The following ABCG4 variants were observed in gnomAD, a reference collection of about 807,000 sequenced individuals.
ABCG4 encodes ATP binding cassette subfamily G member 4, also known as ATP-binding cassette sub-family G member 4.
In ABCG4, 35 loss-of-function variants were observed where a neutral mutation model predicts 64.6. The observed-to-expected ratio is 0.54, with a 90% CI of 0.41 to 0.72. The LOEUF is 0.72. Ranked by LOEUF, ABCG4 falls within the 30% of genes least tolerant of loss-of-function variation. The pLI is 0.00. For missense variants in ABCG4, 610 were observed against 846.3 expected (o/e 0.72, Z 3.46); for synonymous variants, 326 against 348.2 (o/e 0.94, Z 0.71).
In ABCG4 at chr11:119,161,116, C is replaced by T; in HGVS notation, c.*10C>T. 6.2e-7 allele frequency: 1 copy of T among 1,607,972 alleles called. No individual in the cohort carries two copies. Among genetic ancestry groups the T allele is most frequent in the African/African-American group, 1.3e-5 (1 of 74,878 alleles). The stretch of plus-strand genomic sequence containing the variant: ...CAAGTCAGAGAGATAGAGGCTTGCC[C>T]CAGCCTGTACCCCAGCCCCTGCAGC... On this transcript the variant is annotated 3_prime_UTR_variant, in exon 15 of 15. Coordinates refer to ENST00000619701, the MANE Select transcript of ABCG4 (RefSeq NM_022169.5).
Position 119,149,719 on chromosome 11 carries a change from A to C in ABCG4, c.-12-235A>C. ...GAGATTAGAGAAGCCGCCGGGAGGA[A>C]GGAGCGATTGAGGGCTTCAAGGGGA... On this transcript the variant is annotated intron_variant, in intron 1 of 14. Transcript: ENST00000619701. The surrounding 1 kb of genome is among the most constrained non-coding windows in gnomAD (Gnocchi z 8.3). 4 of 587,036 alleles carry C rather than the reference A, an allele frequency of 6.8e-6. No homozygotes were observed. The highest frequency in any genetic ancestry group is 2.9e-5 in the East Asian group (1 of 34,218). 36.4% of individuals were successfully genotyped at this position (587,036 alleles called of 1,614,324 possible).
chr11:119,158,532 T>A lies in ABCG4; in HGVS notation c.1168-25T>A. 1 of 1,613,860 alleles carries A rather than the reference T, an allele frequency of 6.2e-7. No homozygotes were observed. The highest frequency in any genetic ancestry group is 8.5e-7 in the Non-Finnish European group (1 of 1,179,842). The stretch of plus-strand genomic sequence containing the variant: ...CTTGCCCTGGCCTGTAACACATCCC[T>A]CTCCTGGTGATGACCCCTCCCAAGG... On this transcript the variant is annotated intron_variant, in intron 10 of 14. Transcript: ENST00000619701. The surrounding 1 kb of genome is among the most constrained non-coding windows in gnomAD (Gnocchi z 4.5).
Position 119,160,735 on chromosome 11 carries a change from A to C in ABCG4, c.1715+79A>C. On this transcript the variant is annotated intron_variant, in intron 14 of 14. Transcript: ENST00000619701. This position sits in a 1 kb window ranked among gnomAD's most constrained non-coding sequence, Gnocchi z 4.6. ...ACCCAGGGCTTCCTGGGTTGTGCCAAGTCTGCTGCCTGCCCCATTATCCTT... is the reference window on the plus strand; with the variant it reads ...ACCCAGGGCTTCCTGGGTTGTGCCACGTCTGCTGCCTGCCCCATTATCCTT... The C allele has an allele frequency of 6.6e-7, 1 of 1,513,844 alleles. No homozygotes were observed. Among genetic ancestry groups the C allele is most frequent in the Non-Finnish European group, 9.2e-7 (1 of 1,092,496 alleles). The allele number at this position is 1,513,844 out of a possible 1,614,324, so 93.8% of individuals were successfully genotyped here.
In ABCG4 at chr11:119,158,428, C is replaced by T. The variant is rs1565816199; in HGVS notation, c.1167+96C>T. The T allele has an allele frequency of 1.9e-6, 3 of 1,555,998 alleles. No homozygotes were observed. The highest frequency in any genetic ancestry group is 3.3e-5 in the Admixed American group (2 of 59,938). Reference sequence around the variant, plus strand: ...TGAAATGGGAATGGGGACCCTCCCTCACAGCCCTGCAATGTGCCTGTGGGG... The same window carrying T: ...TGAAATGGGAATGGGGACCCTCCCTTACAGCCCTGCAATGTGCCTGTGGGG... On this transcript the variant is annotated intron_variant, in intron 10 of 14. Transcript: ENST00000619701. The surrounding 1 kb of genome is among the most constrained non-coding windows in gnomAD (Gnocchi z 4.5).
In ABCG4 at chr11:119,162,258, A is replaced by G. The variant is rs908961851; in HGVS notation, c.*1152A>G. On this transcript the variant is annotated 3_prime_UTR_variant, in exon 15 of 15. Transcript: ENST00000619701. ...AACCAACACAAGCACAACCACGGGCATAAGTTGGCCTTGGCCACTGCCACC... is the reference window on the plus strand; with the variant it reads ...AACCAACACAAGCACAACCACGGGCGTAAGTTGGCCTTGGCCACTGCCACC... 2 of 152,782 alleles carry G rather than the reference A, an allele frequency of 1.3e-5. No individual in the cohort carries two copies. Among genetic ancestry groups the G allele is most frequent in the African/African-American group, 4.8e-5 (2 of 41,452 alleles). 9.5% of individuals were successfully genotyped at this position (152,782 alleles called of 1,614,324 possible).
intron 9 of ABCG4, among the ~76,000 whole-genome samples, chr11:119,157,593 T>C (rs200405480): frequency 6.6e-6 from 1 of 152,244 alleles, no homozygotes; most frequent in East Asian, 1.9e-4. Flanking sequence ...GAATTATACC[T>C]GGCCGGATAC....
chr11:119,154,922 C>A lies in ABCG4; in HGVS notation c.686+7C>A. The A allele has an allele frequency of 6.2e-7, 1 of 1,600,822 alleles. No homozygotes were observed. Among genetic ancestry groups the A allele is most frequent in the South Asian group, 1.1e-5 (1 of 90,412 alleles). On this transcript the variant is annotated splice_region_variant and intron_variant, in intron 6 of 14. Coordinates refer to ENST00000619701, the MANE Select transcript of ABCG4 (RefSeq NM_022169.5). The surrounding 1 kb of genome is among the most constrained non-coding windows in gnomAD (Gnocchi z 7.0). ...TCTTTGATGAGCCCACCAGGTAGTT[C>A]TCTCCACCCTTTCCCACCAGGATAC...
intron 12 of ABCG4, among the ~76,000 whole-genome samples, chr11:119,159,521 A>G (rs961800490): frequency 6.6e-6 from 1 of 152,214 alleles, no homozygotes; most frequent in South Asian, 2.1e-4. Context: ...CATCTATAAA[A>G]TGGAATGACA....
rs375064674 is a variant in ABCG4 at position 119,158,944 on chromosome 11, C to T, written c.1437+15C>T. ...TGCCCTTTCAGGTGGGCCTCTTCCTCCCACCTGCCCACTGCCTCCATCTTG... is the reference window on the plus strand; with the variant it reads ...TGCCCTTTCAGGTGGGCCTCTTCCTTCCACCTGCCCACTGCCTCCATCTTG... On this transcript the variant is annotated intron_variant, in intron 12 of 14. Coordinates refer to ENST00000619701, the MANE Select transcript of ABCG4 (RefSeq NM_022169.5). The surrounding 1 kb of genome is among the most constrained non-coding windows in gnomAD (Gnocchi z 4.5). 3.9e-4 allele frequency: 621 copies of T among 1,609,196 alleles called. No homozygotes were observed. Among genetic ancestry groups the T allele is most frequent in the Admixed American group, 5.7e-4 (34 of 60,002 alleles).
intron 9 of ABCG4, among the ~76,000 whole-genome samples, chr11:119,157,835 C>T (rs943893007): frequency 1.1e-4 from 16 of 152,120 alleles, no homozygotes; most frequent in African/African-American, 3.9e-4. Flanking sequence ...CACTGCACTC[C>T]AGACTGGGCG....
chr11:119,157,087 C>T, intron 9 of ABCG4, 73 bp downstream of exon 9: 1 of 1,516,400 alleles, frequency 6.6e-7, no homozygotes, highest in Non-Finnish European at 8.8e-7. Flanking sequence ...GTGGCCCTGC[C>T]AAAGAGGCTG....
chr11:119,160,030 C>T lies in ABCG4; in HGVS notation c.1438-197C>T, dbSNP rs1056086638. 3.3e-5 allele frequency among the ~76,000 whole-genome samples: 5 copies of T among 151,812 alleles called. No homozygotes were observed. Among genetic ancestry groups the T allele is most frequent in the South Asian group, 2.1e-4 (1 of 4,794 alleles). On this transcript the variant is annotated intron_variant, in intron 12 of 14. Coordinates refer to ENST00000619701, the MANE Select transcript of ABCG4 (RefSeq NM_022169.5). This position sits in a 1 kb window ranked among gnomAD's most constrained non-coding sequence, Gnocchi z 4.6. ...GGTGGACCAAACGGAAGACGTGAGACGAGATAAGTGATGGTCATATGGCCA... is the reference window on the plus strand; with the variant it reads ...GGTGGACCAAACGGAAGACGTGAGATGAGATAAGTGATGGTCATATGGCCA...
In ABCG4 at chr11:119,150,001, A is replaced by G. The variant is rs771054703; in HGVS notation, c.36A>G (p.Gly12=). The change falls in exon 2 of 15, where the codon GGA becomes GGG. Residue 12 remains glycine, a synonymous_variant. Transcript: ENST00000619701. The surrounding 1 kb of genome is among the most constrained non-coding windows in gnomAD (Gnocchi z 4.3). ...AEKALEAVGC[G]LGPGAVAMAV... ...AGGCGCTGGAGGCCGTGGGCTGTGG[A>G]CTAGGGCCGGGGGCTGTGGCCATGG... 1 of 1,610,704 alleles carries G rather than the reference A, an allele frequency of 6.2e-7. No homozygotes were observed. The highest frequency in any genetic ancestry group is 8.5e-7 in the Non-Finnish European group (1 of 1,179,832).
At chr11:119,157,438 G>T (rs1303229204) in intron 9 of ABCG4, among the ~76,000 whole-genome samples, 1 of 152,218 alleles carries the variant, frequency 6.6e-6, no homozygotes, top group African/African-American at 2.4e-5. Flanking sequence ...ACTGTAGCTG[G>T]TACAGCAGGC....
In ABCG4 at chr11:119,156,563, G is replaced by A; in HGVS notation, c.811-1G>A. The A allele has an allele frequency of 6.2e-7, 1 of 1,614,142 alleles. No homozygotes were observed. The highest frequency in any genetic ancestry group is 8.5e-7 in the Non-Finnish European group (1 of 1,180,016). ...TCCTTACCCTTCTCTTTCTGCTGCA[G>A]CTCTACATCCTGAGCCAGGGTCAGT... is the stretch of plus-strand genomic sequence containing the variant. On this transcript the variant is annotated splice_acceptor_variant, in intron 7 of 14. Coordinates refer to ENST00000619701, the MANE Select transcript of ABCG4 (RefSeq NM_022169.5). LOFTEE classifies it high-confidence loss of function. The surrounding 1 kb of genome is among the most constrained non-coding windows in gnomAD (Gnocchi z 5.5).
chr11:119,149,647 G>T lies in ABCG4; in HGVS notation c.-13+284G>T. ...CTCTGCCGGCTGCCTCTTCTCCCCC[G>T]CCCCCTATTCCTTCAGTCCCCAGGG... On this transcript the variant is annotated intron_variant, in intron 1 of 14. Coordinates refer to ENST00000619701, the MANE Select transcript of ABCG4 (RefSeq NM_022169.5). This position sits in a 1 kb window ranked among gnomAD's most constrained non-coding sequence, Gnocchi z 8.3. The T allele has an allele frequency of 2.7e-6, 1 of 374,346 alleles. No individual in the cohort carries two copies. Among genetic ancestry groups the T allele is most frequent in the South Asian group, 4.3e-5 (1 of 23,470 alleles). The allele number at this position is 374,346 out of a possible 1,614,324, so 23.2% of individuals were successfully genotyped here.
Position 119,154,817 on chromosome 11 carries a change from G to C in ABCG4, c.588G>C (p.Thr196=), listed in dbSNP as rs147253441. ...TGGGCCTGATGTCGTGCTCCCACAC[G>C]AGGACAGCCCTGCTCTCTGGCGGGC... is the stretch of plus-strand genomic sequence containing the variant. ...TALGLMSCSH[T]RTALLSGGQR... The change falls in exon 6 of 15, where the codon ACG becomes ACC. Residue 196 remains threonine (T), a synonymous_variant. Coordinates refer to ENST00000619701, the MANE Select transcript of ABCG4 (RefSeq NM_022169.5). This position sits in a 1 kb window ranked among gnomAD's most constrained non-coding sequence, Gnocchi z 7.0. 3 of 1,613,878 alleles carry C rather than the reference G, an allele frequency of 1.9e-6. No individual in the cohort carries two copies. The highest frequency in any genetic ancestry group is 1.7e-6 in the Non-Finnish European group (2 of 1,179,754).
Position 119,150,450 on chromosome 11 carries a change from G to C in ABCG4, c.238+247G>C, listed in dbSNP as rs1461968977. Among the ~76,000 whole-genome samples, 1 of 152,208 alleles carries C rather than the reference G, an allele frequency of 6.6e-6. No individual in the cohort carries two copies. On this transcript the variant is annotated intron_variant, in intron 2 of 14. Transcript: ENST00000619701. The surrounding 1 kb of genome is among the most constrained non-coding windows in gnomAD (Gnocchi z 4.3). ...TTATTGAAGCTGTATCTTCTAAAGA[G>C]ATCCCGTGACCTCTGGTCCTTGAGT...
Position 119,161,295 on chromosome 11 carries a change from C to T in ABCG4, c.*189C>T. The T allele has an allele frequency of 1.7e-6, 1 of 589,180 alleles. No individual in the cohort carries two copies. Among genetic ancestry groups the T allele is most frequent in the Non-Finnish European group, 3.0e-6 (1 of 332,474 alleles). 36.5% of individuals were successfully genotyped at this position (589,180 alleles called of 1,614,324 possible). A position where few individuals can be genotyped will look rare whatever the true frequency, so the allele number is the denominator to read the frequency against. ...TGGGCTCTGGGAGTGGGGGCTCCAG[C>T]CCTCCCCACTATGCCCAGGAGTCTT... On this transcript the variant is annotated 3_prime_UTR_variant, in exon 15 of 15. Transcript: ENST00000619701.
Sources: allele counts gnomAD v4.1 joint callset (sites outside exome capture counted in the v4.1 genomes callset), GRCh38; gene constraint gnomAD v4.1.1; non-coding constraint Gnocchi (gnomAD v3.1); transcripts MANE v1.5; gene names NCBI Gene and HGNC (gene_info 2026-07-23, HGNC 2026-07-21).